SNRPN: variants seen among roughly 807,000 people sequenced by gnomAD.
The protein encoded by SNRPN is small nuclear ribonucleoprotein polypeptide N.
SNRPN carries 7 observed loss-of-function variants against 25.2 expected under a neutral mutation model. The observed-to-expected ratio is 0.28, with a 90% CI of 0.16 to 0.52. The LOEUF (loss-of-function observed/expected upper bound fraction) is 0.52, where lower values mean the gene tolerates loss of function less well. Ranked by LOEUF, SNRPN falls within the 20% of genes least tolerant of loss-of-function variation. The pLI, the probability that SNRPN is intolerant of heterozygous loss-of-function variation, is 0.96. For missense variants in SNRPN, 196 were observed against 322.5 expected, an observed-to-expected ratio of 0.61 and a Z score of 3.00; for synonymous variants, 124 against 110.6, an observed-to-expected ratio of 1.12 and a Z score of -0.76.
intron 1 of SNRPN, among the ~76,000 whole-genome samples, chr15:24,867,375 A>C (rs1162032027): frequency 2.2e-5 from 3 of 138,346 alleles, no homozygotes; most frequent in South Asian, 2.4e-4. Context: ...TATTTAAATA[A>C]GTTTTTTTTT....
intron 3 of SNRPN, 31 bp downstream of exon 3, chr15:24,968,113 A>G: frequency 7.8e-7 from 1 of 1,284,354 alleles, no homozygotes; most frequent in Non-Finnish European, 1.1e-6. Context: ...GATCAAGAAT[A>G]AAGAATCATT....
chr15:24,850,196 C>T (rs1207949002), intron 2 of SNRPN: 1 of 152,232 alleles, frequency 6.6e-6, no homozygotes, highest in Non-Finnish European at 1.5e-5. Flanking sequence ...ACAATGAAAG[C>T]CATGTCATGG....
intron 1 of SNRPN, among the ~76,000 whole-genome samples, chr15:24,881,635 C>T (rs11855146): frequency 0.42 from 60,223 of 142,806 alleles, 13,478 homozygotes; most frequent in East Asian, 0.61. Flanking sequence ...CACAGTAAGG[C>T]ACCCTAGCAG....
At chr15:24,908,892 T>C in intron 2 of SNRPN, 1 of 815,412 alleles carries the variant, frequency 1.2e-6, no homozygotes, top group Non-Finnish European at 2.0e-6. Context: ...AAGTTTATTG[T>C]CTGTATCTGA....
At chr15:24,978,359 C>G in intron 9 of SNRPN, 41 bp downstream of exon 9, 1 of 1,614,098 alleles carries the variant, frequency 6.2e-7, no homozygotes. Context: ...AGCCAGGCCC[C>G]TGAATATGTG....
chr15:24,835,086 TA>T (rs2051001192), intron 2 of SNRPN, among the ~76,000 whole-genome samples: 1 of 54,280 alleles, frequency 1.8e-5, no homozygotes, highest in African/African-American at 5.3e-5. Flanking sequence ...TATCTATATA[TA>T]AAATATATAG....
chr15:24,901,754 T>C (rs1245610559), intron 2 of SNRPN, among the ~76,000 whole-genome samples: 1 of 152,136 alleles, frequency 6.6e-6, no homozygotes, highest in Non-Finnish European at 1.5e-5. Flanking sequence ...AGTAAAATAA[T>C]GACTAAGTTA....
chr15:24,974,098 A>G (rs1444608151), intron 3 of SNRPN, among the ~76,000 whole-genome samples: 1 of 152,222 alleles, frequency 6.6e-6, no homozygotes, highest in Non-Finnish European at 1.5e-5. Context: ...TAGGTAAAAT[A>G]AAATTCAATG....
In SNRPN at chr15:24,968,073, C is replaced by G. The variant is rs774369656; in HGVS notation, c.-153C>G. The G allele has an allele frequency of 6.4e-7, 1 of 1,571,448 alleles. No individual in the cohort carries two copies. Among genetic ancestry groups the G allele is most frequent in the Non-Finnish European group, 8.8e-7 (1 of 1,141,428 alleles). ...GAGTAGCGAGGAATCTGATTCCAAG[C>G]AAAAACCAGGTTAGAGCTAATGCAG... On this transcript the variant is annotated 5_prime_UTR_variant, in exon 3 of 10. Coordinates refer to ENST00000390687, the MANE Select transcript of SNRPN (RefSeq NM_003097.6).
intron 2 of SNRPN, among the ~76,000 whole-genome samples, chr15:24,965,426 A>G (rs890947331): frequency 5.3e-5 from 8 of 152,156 alleles, no homozygotes; most frequent in Admixed American, 1.3e-4. Context: ...AATCCCAGCT[A>G]CTCAGGAGGC....
chr15:24,854,302 AC>A (rs2053176259), upstream of SNRPN, among the ~76,000 whole-genome samples: 1 of 152,218 alleles, frequency 6.6e-6, no homozygotes. Flanking sequence ...CATAGCAAGA[AC>A]ATACCAAAAC....
Position 24,868,121 on chromosome 15 carries a change from G to A in SNRPN, c.-579+11405G>A, listed in dbSNP as rs61999116. ...TGTGCATGTATATGGGTGTGTGTGT[G>A]TATATATATATATATACACACACAC... On this transcript the variant is annotated intron_variant, in intron 1 of 11. Transcript: ENST00000400097. Among the ~76,000 whole-genome samples the A allele has an allele frequency of 6.4e-3, 936 of 145,964 alleles. 11 individuals carry two copies. Among genetic ancestry groups the A allele is most frequent in the African/African-American group, 0.022 (881 of 39,336 alleles).
chr15:24,898,630 C>G (rs541531915), intron 2 of SNRPN, among the ~76,000 whole-genome samples: 1 of 151,784 alleles, frequency 6.6e-6, no homozygotes, highest in South Asian at 2.1e-4. Flanking sequence ...AGGGGTGAAC[C>G]ACTTTGAATT....
intron 1 of SNRPN, among the ~76,000 whole-genome samples, chr15:24,885,794 C>T (rs1020961200): frequency 6.7e-6 from 1 of 150,268 alleles, no homozygotes; most frequent in Non-Finnish European, 1.5e-5. Context: ...AGCCTGTAGC[C>T]CACGTGTTGC....
chr15:24,852,615 A>G (rs564940943), upstream of SNRPN, among the ~76,000 whole-genome samples: 26 of 152,342 alleles, frequency 1.7e-4, no homozygotes, highest in African/African-American at 6.0e-4. Context: ...ATAACATATT[A>G]GTTAGAAGTA....
chr15:24,890,440 G>A (rs138188853), intron 2 of SNRPN, among the ~76,000 whole-genome samples: 2 of 152,056 alleles, frequency 1.3e-5, no homozygotes, highest in Non-Finnish European at 2.9e-5. Context: ...ACTTTGGGAG[G>A]CTGAGGCGGG....
At chr15:24,961,533 C>T (rs575490152) in intron 1 of SNRPN, among the ~76,000 whole-genome samples, 13 of 152,180 alleles carry the variant, frequency 8.5e-5, no homozygotes, top group South Asian at 4.1e-4. Flanking sequence ...GTTCTGCAGA[C>T]GTAACATGGC....
chr15:24,876,961 G>T (rs938096761), intron 1 of SNRPN, among the ~76,000 whole-genome samples: 1 of 152,148 alleles, frequency 6.6e-6, no homozygotes, highest in Non-Finnish European at 1.5e-5. Flanking sequence ...CAATGTGTTG[G>T]TATTTTATAA....
At position 24,931,960 on chromosome 15, in the gene SNRPN, A is replaced by C. The variant is rs1308573596; in HGVS notation, c.-391+11836A>C. Among the ~76,000 whole-genome samples the C allele has an allele frequency of 4.0e-5, 6 of 151,720 alleles. No individual in the cohort carries two copies. The East Asian group carries it at 5.8e-4, about 15-fold the overall frequency. On this transcript the variant is annotated intron_variant, in intron 3 of 11. Coordinates refer to the SNRPN transcript ENST00000400097. Reference sequence around the variant, plus strand: ...GCTCAGTTGAGTCAGAGAAGTAAAAATTTACCAAAAGTGGTGGTTCCATGT... The same window carrying C: ...GCTCAGTTGAGTCAGAGAAGTAAAACTTTACCAAAAGTGGTGGTTCCATGT...
Sources: allele counts gnomAD v4.1 joint callset (sites outside exome capture counted in the v4.1 genomes callset), GRCh38; gene constraint gnomAD v4.1.1; transcripts MANE v1.5; gene names NCBI Gene and HGNC (gene_info 2026-07-23, HGNC 2026-07-21).